GRID1: variants seen among roughly 807,000 people sequenced by gnomAD.
GRID1 encodes glutamate ionotropic receptor delta type subunit 1, also known as glutamate receptor ionotropic, delta-1.
GRID1 carries 28 observed loss-of-function variants against 98.0 expected under a neutral mutation model. The ratio of observed to expected loss-of-function variants is 0.29; its 90% confidence interval spans 0.21 to 0.39. GRID1 has a LOEUF of 0.39. Among genes scored for constraint, GRID1 ranks in the 10% least tolerant of loss-of-function variants. The pLI is 1.00. For missense variants in GRID1, 1,111 were observed against 1,340.5 expected, an observed-to-expected ratio of 0.83 and a Z score of 2.67; for synonymous variants, 553 against 538.5, an observed-to-expected ratio of 1.03 and a Z score of -0.37.
chr10:86,048,436 A>T (rs1197313612), intron 4 of GRID1, among the ~76,000 whole-genome samples: 1 of 152,218 alleles, frequency 6.6e-6, no homozygotes, highest in Non-Finnish European at 1.5e-5. Context: ...CAATACCTGC[A>T]ATTTAATATT....
In GRID1 at chr10:85,865,912, C is replaced by CATATATATAT. The variant is rs375258556; in HGVS notation, c.951+3088_951+3097dup. On this transcript the variant is annotated intron_variant, in intron 6 of 15. Coordinates refer to ENST00000327946, the MANE Select transcript of GRID1 (RefSeq NM_017551.3). ...TTTAATAAAGTGTTTTACATATATA[C>CATATATATAT]ATATATATATATATATATATATATA... 5.8e-3 allele frequency among the ~76,000 whole-genome samples: 478 copies of CATATATATAT among 83,072 alleles called. 5 individuals carry two copies. Among genetic ancestry groups the CATATATATAT allele is most frequent in the Non-Finnish European group, 7.4e-3 (353 of 47,918 alleles). 54.5% of individuals were successfully genotyped at this position (83,072 alleles called of 152,430 possible).
In GRID1 at chr10:85,707,266, GA is replaced by G. The variant is rs890885402; in HGVS notation, c.1997+15736del. 1.9e-3 allele frequency among the ~76,000 whole-genome samples: 288 copies of G among 149,406 alleles called. 2 individuals are homozygous for G. The highest frequency in any genetic ancestry group is 5.7e-3 in the African/African-American group (231 of 40,656). ...ACTATGAACTCAAACAAATTTACAA[GA>G]AAAAAAAACAAACAATCCCATCAAA... On this transcript the variant is annotated intron_variant, in intron 12 of 15. Transcript: ENST00000327946.
At chr10:85,675,690 G>C (rs1036460632) in intron 12 of GRID1, among the ~76,000 whole-genome samples, 1 of 152,222 alleles carries the variant, frequency 6.6e-6, no homozygotes, top group Non-Finnish European at 1.5e-5. Context: ...AAACTTCAGA[G>C]AGAAGAATAA....
chr10:86,104,845 G>C lies in GRID1; in HGVS notation c.726+33974C>G, dbSNP rs559535234. ...CTGAGACAGTGCACTGGACCTTCAT[G>C]CATGGCCGATGAAGTGCCTAGGGTG... On this transcript the variant is annotated intron_variant, in intron 4 of 15. Transcript: ENST00000327946. 1.3e-5 allele frequency among the ~76,000 whole-genome samples: 2 copies of C among 152,306 alleles called. 1 individual carries two copies. The highest frequency in any genetic ancestry group is 4.1e-4 in the South Asian group (2 of 4,826).
intron 4 of GRID1, among the ~76,000 whole-genome samples, chr10:85,938,203 G>A (rs565817868): frequency 3.9e-4 from 60 of 152,236 alleles, no homozygotes; most frequent in Admixed American, 1.6e-3. Flanking sequence ...AGTTCTCCAG[G>A]AAAATCCACC....
intron 2 of GRID1, among the ~76,000 whole-genome samples, chr10:86,278,566 A>T (rs1847307707): frequency 6.6e-6 from 1 of 152,172 alleles, no homozygotes; most frequent in Non-Finnish European, 1.5e-5. Flanking sequence ...AAAAGACATA[A>T]ATTACCAATA....
At chr10:86,135,909 A>C (rs1844917134) in intron 4 of GRID1, among the ~76,000 whole-genome samples, 1 of 152,222 alleles carries the variant, frequency 6.6e-6, no homozygotes, top group African/African-American at 2.4e-5. Flanking sequence ...AGAACTTACA[A>C]CTAGGAAAGC....
intron 6 of GRID1, among the ~76,000 whole-genome samples, chr10:85,856,927 G>C (rs1349296875): frequency 1.3e-5 from 2 of 152,206 alleles, no homozygotes; most frequent in African/African-American, 4.8e-5. Flanking sequence ...CAAAGACTTA[G>C]GGACTTACTA....
intron 4 of GRID1, among the ~76,000 whole-genome samples, chr10:86,125,745 C>T (rs573619799): frequency 3.3e-5 from 5 of 152,154 alleles, no homozygotes; most frequent in Admixed American, 3.3e-4. Context: ...CCGCCTCTTC[C>T]TCAGCCTACT....
At position 86,128,268 on chromosome 10, in the gene GRID1, A is replaced by T. The variant is rs1844782643; in HGVS notation, c.726+10551T>A. On this transcript the variant is annotated intron_variant, in intron 4 of 15. Transcript: ENST00000327946. ...TTCTTATTTAAATCGAAGTGGTTCA[A>T]GTCCTGCATCTCCCTGGGGTAGGAA... Among the ~76,000 whole-genome samples the T allele has an allele frequency of 2.6e-5, 4 of 152,244 alleles. No homozygotes were observed. The South Asian group carries it at 8.3e-4, about 32-fold the overall frequency.
intron 2 of GRID1, among the ~76,000 whole-genome samples, chr10:86,233,434 C>A (rs1206732465): frequency 6.6e-6 from 1 of 152,196 alleles, no homozygotes; most frequent in Non-Finnish European, 1.5e-5. Context: ...AGCCAGGCCC[C>A]CTTTACAGAT....
intron 12 of GRID1, among the ~76,000 whole-genome samples, chr10:85,719,022 A>G (rs1841671107): frequency 6.6e-6 from 1 of 152,184 alleles, no homozygotes; most frequent in South Asian, 2.1e-4. Flanking sequence ...CCTCCACCAG[A>G]TGCCCTAAAT....
At chr10:86,166,641 C>T (rs537984367) in intron 3 of GRID1, among the ~76,000 whole-genome samples, 2 of 152,314 alleles carry the variant, frequency 1.3e-5, no homozygotes, top group African/African-American at 4.8e-5. Context: ...CACAACAGCC[C>T]AGTTCCTGGC....
At chr10:86,080,024 G>T (rs1843942404) in intron 4 of GRID1, among the ~76,000 whole-genome samples, 1 of 152,108 alleles carries the variant, frequency 6.6e-6, no homozygotes, top group African/African-American at 2.4e-5. Context: ...GACCACCATG[G>T]CCGAAGGCTG....
chr10:86,033,752 C>A (rs1821534022), intron 4 of GRID1, among the ~76,000 whole-genome samples: 1 of 152,236 alleles, frequency 6.6e-6, no homozygotes, highest in Non-Finnish European at 1.5e-5. Flanking sequence ...ACCCACAGAA[C>A]CAGTGGCTCA....
chr10:86,151,620 C>A (rs934198787), intron 3 of GRID1, among the ~76,000 whole-genome samples: 1 of 152,188 alleles, frequency 6.6e-6, no homozygotes, highest in Non-Finnish European at 1.5e-5. Context: ...AATGTAGCAT[C>A]TTCATTAGTT....
intron 4 of GRID1, among the ~76,000 whole-genome samples, chr10:86,020,633 G>A (rs1452951570): frequency 6.6e-6 from 1 of 152,236 alleles, no homozygotes; most frequent in Non-Finnish European, 1.5e-5. Context: ...AGAGTGGAAA[G>A]TGCCTTGTAA....
chr10:85,782,586 TGAA>T (rs1842390931), intron 8 of GRID1, among the ~76,000 whole-genome samples: 1 of 152,188 alleles, frequency 6.6e-6, no homozygotes, highest in African/African-American at 2.4e-5. Flanking sequence ...AGAATCTCAT[TGAA>T]GAAGAGTTAT....
At chr10:86,336,007 G>T (rs919497248) in intron 2 of GRID1, among the ~76,000 whole-genome samples, 6 of 152,220 alleles carry the variant, frequency 3.9e-5, no homozygotes, top group Non-Finnish European at 8.8e-5. Flanking sequence ...GGCCTAACCA[G>T]CCAGTGAAGG....
Sources: gnomAD v4.1 joint callset for allele counts (sites outside exome capture counted in the v4.1 genomes callset) on GRCh38, gnomAD v4.1.1 for gene constraint, MANE v1.5 for transcripts, NCBI Gene and HGNC (gene_info 2026-07-23, HGNC 2026-07-21) for gene names.